The following CYP3A4 variants were observed in gnomAD, a reference collection of about 807,000 sequenced individuals.
CYP3A4 encodes cytochrome P450 family 3 subfamily A member 4.
In CYP3A4, 41 loss-of-function variants were observed where a neutral mutation model predicts 54.9. That is an observed-to-expected ratio of 0.75 (90% CI 0.58 to 0.97). The LOEUF is 0.97. Ranked by LOEUF, CYP3A4 falls within the 50% of genes least tolerant of loss-of-function variation. CYP3A4 has a pLI of 0.00. For missense variants in CYP3A4, 510 were observed against 597.3 expected (o/e 0.85, Z 1.52); for synonymous variants, 179 against 205.2 (o/e 0.87, Z 1.09).
In CYP3A4 at chr7:99,772,684, T is replaced by C. The variant is rs1815665114; in HGVS notation, c.224A>G (p.Tyr75Cys). 6.2e-7 allele frequency: 1 copy of C among 1,613,144 alleles called. No homozygotes were observed. The highest frequency in any genetic ancestry group is 8.5e-7 in the Non-Finnish European group (1 of 1,179,326). The stretch of plus-strand genomic sequence containing the variant: ...AGCCAGCACAGGCTGTTGACCATCA[T>C]AAAAGCTGTGTGAAAAAAACAGAGT... ...HKKYGKVWGF[Y>C]DGQQPVLAIT... Residue 75 changes from tyrosine to cysteine, a missense_variant, in exon 4 of 13, where the codon TAT becomes TGT. By Grantham distance (194) the Tyr-to-Cys change is radical. Coordinates refer to ENST00000651514, the MANE Select transcript of CYP3A4 (RefSeq NM_017460.6).
At chr7:99,775,403 A>G (rs1815740044) in intron 3 of CYP3A4, among the ~76,000 whole-genome samples, 1 of 152,198 alleles carries the variant, frequency 6.6e-6, no homozygotes, top group Non-Finnish European at 1.5e-5. Context: ...AAGCAAAAAG[A>G]ACAAAACTGG....
intron 12 of CYP3A4, among the ~76,000 whole-genome samples, chr7:99,758,561 C>T (rs1421811893): frequency 6.6e-6 from 1 of 152,040 alleles, no homozygotes; most frequent in African/African-American, 2.4e-5. Flanking sequence ...TTCATGGAAA[C>T]CTGTGTTCTT....
intron 12 of CYP3A4, among the ~76,000 whole-genome samples, chr7:99,758,867 A>G (rs986170211): frequency 6.6e-6 from 1 of 152,142 alleles, no homozygotes; most frequent in Non-Finnish European, 1.5e-5. Context: ...GGGTAGTGCA[A>G]GTGGGGAACC....
At chr7:99,778,949 A>G (rs1191316697) in intron 2 of CYP3A4, among the ~76,000 whole-genome samples, 1 of 152,128 alleles carries the variant, frequency 6.6e-6, no homozygotes, top group Non-Finnish European at 1.5e-5. Flanking sequence ...CCCTCACCTG[A>G]GAGAATTAGA....
rs765293295 is a variant in CYP3A4, at chr7:99,768,513, A to G, written c.522-11T>C. On this transcript the variant is annotated splice_polypyrimidine_tract_variant and intron_variant, in intron 6 of 12. Transcript: ENST00000651514. ...TAGGCCCCAAAGACGCTGAGTGGAG[A>G]AAGATGTGGAAAATTAAAATCAGCA... 7 of 1,613,402 alleles carry G rather than the reference A, an allele frequency of 4.3e-6. 1 individual carries two copies. The South Asian group carries it at 7.7e-5, about 18-fold the overall frequency.
chr7:99,777,875 A>C (rs1443735913), intron 3 of CYP3A4, among the ~76,000 whole-genome samples, 153 bp downstream of exon 3: 1 of 152,144 alleles, frequency 6.6e-6, no homozygotes, highest in Non-Finnish European at 1.5e-5. Context: ...ACCCAAATAA[A>C]TATCTTCTTC....
At chr7:99,780,221 T>G in intron 1 of CYP3A4, 136 bp from the exon 2 acceptor site, 1 of 814,556 alleles carries the variant, frequency 1.2e-6, no homozygotes, top group Non-Finnish European at 1.9e-6. Flanking sequence ...ACAGTAACTC[T>G]GACGGCAATG....
chr7:99,778,589 A>ATGT (rs1815833141), intron 2 of CYP3A4, among the ~76,000 whole-genome samples: 1 of 152,232 alleles, frequency 6.6e-6, no homozygotes, highest in African/African-American at 2.4e-5. Context: ...AGATTTAGGT[A>ATGT]AGTATGAGGC....
In CYP3A4 at chr7:99,770,185, A is replaced by C. The variant is rs781017870; in HGVS notation, c.369T>G (p.Asp123Glu). Reference sequence around the variant, plus strand: ...ATGATCGTAATCTCTTCCATTCTTCATCCTCAGCTATAGAGATGGCACTTT... The same window carrying C: ...ATGATCGTAATCTCTTCCATTCTTCCTCCTCAGCTATAGAGATGGCACTTT... ...FMKSAISIAE[D>E]EEWKRLRSLL... Residue 123 changes from aspartate (D) to glutamate (E), a missense_variant, in exon 5 of 13, where the codon GAT becomes GAG. Coordinates refer to ENST00000651514, the MANE Select transcript of CYP3A4 (RefSeq NM_017460.6). 1.5e-5 allele frequency: 25 copies of C among 1,613,764 alleles called. No homozygotes were observed. The highest frequency in any genetic ancestry group is 2.0e-5 in the Non-Finnish European group (24 of 1,179,780).
chr7:99,774,099 T>C (rs1306617095), intron 3 of CYP3A4, among the ~76,000 whole-genome samples: 4 of 151,906 alleles, frequency 2.6e-5, no homozygotes, highest in Non-Finnish European at 5.9e-5. Context: ...CTAGAAGAAA[T>C]AGATAAATTC....
rs759566058 is a variant in CYP3A4 at position 99,767,779 on chromosome 7, A to G, written c.671-521T>C. Reference sequence around the variant, plus strand: ...CCAATGAGTCAAAGTAGAAACCAAAAGGGCAAATAGAAACTGTTTTGAGGT... The same window carrying G: ...CCAATGAGTCAAAGTAGAAACCAAAGGGGCAAATAGAAACTGTTTTGAGGT... On this transcript the variant is annotated intron_variant, in intron 7 of 12. Coordinates refer to ENST00000651514, the MANE Select transcript of CYP3A4 (RefSeq NM_017460.6). Among the ~76,000 whole-genome samples the G allele has an allele frequency of 2.2e-3, 336 of 152,322 alleles. 2 individuals carry two copies. The highest frequency in any genetic ancestry group is 3.1e-3 in the Non-Finnish European group (208 of 68,022).
chr7:99,761,342 A>C (rs1203266903), intron 11 of CYP3A4, among the ~76,000 whole-genome samples: 3 of 152,324 alleles, frequency 2.0e-5, no homozygotes, highest in Admixed American at 6.5e-5. Flanking sequence ...CTCAAGTCAC[A>C]CTTACATTGG....
intron 11 of CYP3A4, 141 bp downstream of exon 11, chr7:99,761,900 T>C (rs547697905): frequency 1.4e-4 from 112 of 808,520 alleles, no homozygotes; most frequent in Non-Finnish European, 2.1e-4. Flanking sequence ...AATAATCAAT[T>C]TGATGATTAA....
Position 99,778,068 on chromosome 7 carries a change from A to G in CYP3A4, c.178T>C (p.Phe60Leu), listed in dbSNP as rs754353680. The change falls in exon 3 of 13, where the codon TTT becomes CTT. Residue 60 changes from phenylalanine (F) to leucine (L), a missense_variant. Transcript: ENST00000651514. Reference protein sequence around the residue: ...ILSYHKGFCMFDMECHKKYGK... With the variant: ...ILSYHKGFCMLDMECHKKYGK... The stretch of plus-strand genomic sequence containing the variant: ...TACTTTTTATGACATTCCATGTCAA[A>G]CATACAAAAGCCCTGGGAGGAGAAA... The G allele has an allele frequency of 4.6e-5, 74 of 1,612,588 alleles. 1 individual carries two copies. Among genetic ancestry groups the G allele is most frequent in the Middle Eastern group, 3.3e-4 (2 of 6,076 alleles).
At chr7:99,778,211 C>A in intron 2 of CYP3A4, 131 bp from the exon 3 acceptor site, 1 of 661,484 alleles carries the variant, frequency 1.5e-6, no homozygotes, top group South Asian at 2.0e-5. Flanking sequence ...TATTTGGAGA[C>A]GTCATAAAGG....
Position 99,763,933 on chromosome 7 carries a change from G to A in CYP3A4, c.948C>T (p.Phe316=). Residue 316 remains phenylalanine, a synonymous_variant, in exon 10 of 13, where the codon TTC becomes TTT. Coordinates refer to ENST00000651514, the MANE Select transcript of CYP3A4 (RefSeq NM_017460.6). ...GYETTSSVLS[F]IMYELATHPD... is the part of the protein sequence containing the mutation. ...GGTGAGTGGCCAGTTCATACATAAT[G>A]AAGGAGAGAACACTGCTCGTGGTTT... 6.2e-7 allele frequency: 1 copy of A among 1,613,986 alleles called. No individual in the cohort carries two copies. The highest frequency in any genetic ancestry group is 8.5e-7 in the Non-Finnish European group (1 of 1,179,960).
chr7:99,765,087 T>C (rs931161588), intron 9 of CYP3A4, among the ~76,000 whole-genome samples: 9 of 152,216 alleles, frequency 5.9e-5, no homozygotes, highest in Non-Finnish European at 8.8e-5. Flanking sequence ...GATGCAGTTA[T>C]AAGTAAATTC....
In CYP3A4 at chr7:99,763,169, A is replaced by G. The variant is rs28988590; in HGVS notation, c.1026+686T>C. On this transcript the variant is annotated intron_variant, in intron 10 of 12. Coordinates refer to ENST00000651514, the MANE Select transcript of CYP3A4 (RefSeq NM_017460.6). ...ACCCAGGGCCAGGCTCCGTCAGACT[A>G]CAGCCAGACCAGAGCAAGTCCTGCC... 1.6e-3 allele frequency among the ~76,000 whole-genome samples: 243 copies of G among 152,284 alleles called. 1 individual carries two copies. The highest frequency in any genetic ancestry group is 0.014 in the East Asian group (70 of 5,182).
intron 2 of CYP3A4, among the ~76,000 whole-genome samples, chr7:99,778,397 C>T (rs1284772620): frequency 1.3e-5 from 2 of 152,080 alleles, no homozygotes; most frequent in Non-Finnish European, 2.9e-5. Flanking sequence ...CTCATGAATC[C>T]CTGAATGATC....
Sources: gnomAD v4.1 joint callset for allele counts (sites outside exome capture counted in the v4.1 genomes callset) on GRCh38, gnomAD v4.1.1 for gene constraint, MANE v1.5 for transcripts, NCBI Gene and HGNC (gene_info 2026-07-23, HGNC 2026-07-21) for gene names.